Variants in ATRNL1 observed in about 807,000 individuals in gnomAD.
ATRNL1 encodes attractin-like protein 1.
Under a neutral mutation model 182.7 loss-of-function variants are expected in ATRNL1, and 95 were observed. The ratio of observed to expected loss-of-function variants is 0.52; its 90% CI spans 0.44 to 0.62. The LOEUF (loss-of-function observed/expected upper bound fraction) is 0.62, where lower values mean the gene tolerates loss of function less well. Among genes scored for constraint, ATRNL1 ranks in the 20% least tolerant of loss-of-function variants. The pLI is 0.00. For missense variants in ATRNL1, 1,471 were observed against 1,679.5 expected (o/e 0.88, Z 2.17); for synonymous variants, 576 against 568.3 (o/e 1.01, Z -0.19).
intron 5 of ATRNL1, among the ~76,000 whole-genome samples, chr10:115,157,483 G>T (rs1302297663): frequency 6.6e-6 from 1 of 151,482 alleles, no homozygotes; most frequent in African/African-American, 2.4e-5. Flanking sequence ...GATTAATTTA[G>T]AGTAAAATAA....
At chr10:115,580,958 G>T (rs2804193) in intron 26 of ATRNL1, among the ~76,000 whole-genome samples, 144,561 of 152,198 alleles carry the variant, frequency 0.95, 69,123 homozygotes, top group East Asian at 1. Flanking sequence ...TTCCCTGACC[G>T]TGGTGTGAAC....
At chr10:115,337,003 G>A (rs1181566668) in intron 19 of ATRNL1, among the ~76,000 whole-genome samples, 5 of 147,066 alleles carry the variant, frequency 3.4e-5, no homozygotes, top group Non-Finnish European at 6.0e-5. Context: ...ACAGGGGCCC[G>A]CCACCATGCC....
Position 115,300,196 on chromosome 10 carries a change from G to C in ATRNL1, c.2578G>C (p.Ala860Pro). The C allele has an allele frequency of 6.2e-7, 1 of 1,614,070 alleles. No individual in the cohort carries two copies. The change falls in exon 16 of 29, where the codon GCT becomes CCT. Residue 860 changes from alanine (A) to proline (P), a missense_variant. Ala to Pro is a conservative substitution (Grantham distance 27, BLOSUM62 -1). Around this residue, in one of 3 missense-constraint regions of ATRNL1, gnomAD observed 1,031 missense variants for 1,156.0 expected, o/e 0.89. Transcript: ENST00000355044. ...LERAAVAGLK[A>P]NPCTSMANGL... ...AAGGGCTGCAGTGGCAGGCTTAAAA[G>C]CTAATCCTTGTACATCTATGGCAAA...
chr10:115,172,476 C>T (rs1847332267), intron 8 of ATRNL1, among the ~76,000 whole-genome samples: 1 of 151,156 alleles, frequency 6.6e-6, no homozygotes. Flanking sequence ...AAGTACTTCT[C>T]CTACCTGGCC....
chr10:115,602,796 G>A (rs560318012), intron 26 of ATRNL1, among the ~76,000 whole-genome samples: 1 of 151,552 alleles, frequency 6.6e-6, no homozygotes. Flanking sequence ...GAAGTTTGCA[G>A]TGAGCAGAGA....
At chr10:115,564,701 A>G (rs1405323731) in intron 26 of ATRNL1, among the ~76,000 whole-genome samples, 3 of 151,810 alleles carry the variant, frequency 2.0e-5, no homozygotes, top group Non-Finnish European at 4.4e-5. Flanking sequence ...CCACCCACTC[A>G]ATTATTCTCT....
chr10:115,923,026 G>A (rs1456930439), intron 28 of ATRNL1, among the ~76,000 whole-genome samples: 2 of 152,126 alleles, frequency 1.3e-5, no homozygotes, highest in Non-Finnish European at 1.5e-5. Context: ...TCAACGTAAT[G>A]TATGCATCTC....
chr10:115,096,430 T>C (rs1436775105), intron 1 of ATRNL1, among the ~76,000 whole-genome samples: 2 of 152,226 alleles, frequency 1.3e-5, no homozygotes, highest in African/African-American at 4.8e-5. Context: ...TATTTGAAGA[T>C]AGTAGCTTGT....
intron 27 of ATRNL1, among the ~76,000 whole-genome samples, chr10:115,813,482 C>T (rs1275532874): frequency 1.3e-5 from 2 of 152,158 alleles, no homozygotes; most frequent in African/African-American, 2.4e-5. Context: ...TTGTTTTTCA[C>T]TAATAGTTGC....
In ATRNL1 at chr10:115,758,475, T is replaced by G. The variant is rs113187123; in HGVS notation, c.3903+31120T>G. On this transcript the variant is annotated intron_variant, in intron 27 of 28. Coordinates refer to ENST00000355044, the MANE Select transcript of ATRNL1 (RefSeq NM_207303.4). ...GTGGAGGCTGCAGAACAACAAAGAT[T>G]GCTGCCTGTTCCTACCTCTGAAAGC... Among the ~76,000 whole-genome samples the G allele has an allele frequency of 3.2e-3, 493 of 152,264 alleles. 1 individual carries two copies. The highest frequency in any genetic ancestry group is 0.011 in the African/African-American group (456 of 41,538).
chr10:115,297,469 G>A (rs998950400), intron 15 of ATRNL1, among the ~76,000 whole-genome samples: 11 of 151,606 alleles, frequency 7.3e-5, no homozygotes, highest in African/African-American at 2.2e-4. Context: ...ATGAAACCCC[G>A]TGTCTACTAA....
chr10:115,902,357 T>A (rs1214066703), intron 28 of ATRNL1, among the ~76,000 whole-genome samples: 4 of 151,556 alleles, frequency 2.6e-5, no homozygotes, highest in Admixed American at 6.6e-5. Context: ...TATCTTCTTT[T>A]AAAAAAAAAT....
intron 9 of ATRNL1, among the ~76,000 whole-genome samples, chr10:115,219,024 C>T (rs1554896814): frequency 6.6e-6 from 1 of 152,042 alleles, no homozygotes; most frequent in Non-Finnish European, 1.5e-5. Flanking sequence ...ATCACGAGGT[C>T]AGGAGTTTGA....
chr10:115,093,963 G>C lies in ATRNL1; in HGVS notation c.213G>C (p.Ser71=), dbSNP rs782789587. 7 of 1,587,900 alleles carry C rather than the reference G, an allele frequency of 4.4e-6. No homozygotes were observed. The highest frequency in any genetic ancestry group is 6.0e-6 in the Non-Finnish European group (7 of 1,169,142). Residue 71 remains serine, a synonymous_variant, in exon 1 of 29, where the codon TCG becomes TCC. Coordinates refer to ENST00000355044, the MANE Select transcript of ATRNL1 (RefSeq NM_207303.4). The surrounding 1 kb of genome is among the most constrained non-coding windows in gnomAD (Gnocchi z 6.1). ...GCGAGAGGACCGGCTCCTGCTTCTCGGGCCGCTGTGTCAACTCCACCTGCC... is the reference window on the plus strand; with the variant it reads ...GCGAGAGGACCGGCTCCTGCTTCTCCGGCCGCTGTGTCAACTCCACCTGCC... ...KPCERTGSCF[S]GRCVNSTCLC...
At chr10:115,663,172 AATT>A (rs1860797408) in intron 26 of ATRNL1, among the ~76,000 whole-genome samples, 1 of 152,010 alleles carries the variant, frequency 6.6e-6, no homozygotes, top group South Asian at 2.1e-4. Flanking sequence ...CAATACTATG[AATT>A]ATTATTATTT....
intron 6 of ATRNL1, among the ~76,000 whole-genome samples, chr10:115,163,986 A>C (rs1203197673): frequency 6.6e-6 from 1 of 152,196 alleles, no homozygotes; most frequent in African/African-American, 2.4e-5. Context: ...GTGAAGGGGC[A>C]CTTGGGCACT....
chr10:115,429,603 A>G (rs1554963552), intron 21 of ATRNL1, among the ~76,000 whole-genome samples: 1 of 152,200 alleles, frequency 6.6e-6, no homozygotes, highest in Non-Finnish European at 1.5e-5. Flanking sequence ...CACATTAAAC[A>G]TCTTTTCATT....
intron 5 of ATRNL1, among the ~76,000 whole-genome samples, chr10:115,138,833 A>G (rs1845635617): frequency 6.6e-6 from 1 of 152,234 alleles, no homozygotes; most frequent in Non-Finnish European, 1.5e-5. Context: ...CTTTCTCCTT[A>G]TAAAATGGGA....
rs117512598 is a variant in ATRNL1 at position 115,495,406 on chromosome 10, T to C, written c.3655-23857T>C. 1.8e-3 allele frequency among the ~76,000 whole-genome samples: 267 copies of C among 152,308 alleles called. 8 individuals carry two copies. The East Asian group carries it at 0.048, about 27-fold the overall frequency. On this transcript the variant is annotated intron_variant, in intron 24 of 28. Coordinates refer to ENST00000355044, the MANE Select transcript of ATRNL1 (RefSeq NM_207303.4). ...GTATATCTAGTTCCTCTAGGTGTGA[T>C]GTTAGGTTGTTAATTTGAGATCATT...
Sources: gnomAD v4.1 joint callset for allele counts (sites outside exome capture counted in the v4.1 genomes callset) on GRCh38, gnomAD v4.1.1 for gene constraint, gnomAD v4.1.1 regional missense constraint, Gnocchi (gnomAD v3.1) non-coding constraint, MANE v1.5 for transcripts, NCBI Gene and HGNC (gene_info 2026-07-23, HGNC 2026-07-21) for gene names.